The following FIS1 variants were observed in gnomAD, a reference collection of about 807,000 sequenced individuals.
The protein encoded by FIS1 is fission, mitochondrial 1.
Under a neutral mutation model 21.6 loss-of-function variants are expected in FIS1, and 16 were observed. The observed-to-expected ratio is 0.74, with a 90% CI of 0.50 to 1.12. FIS1 has a LOEUF of 1.12. FIS1 is among the 50% of genes most tolerant of loss of function. FIS1 has a pLI of 0.00. For missense variants in FIS1, 198 were observed against 190.9 expected, an observed-to-expected ratio of 1.04 and a Z score of -0.22; for synonymous variants, 92 against 82.2, an observed-to-expected ratio of 1.12 and a Z score of -0.65.
rs1428162755 is a variant in FIS1, at chr7:101,244,032, G to A, written c.153C>T (p.Ile51=). Residue 51 remains isoleucine, a synonymous_variant, in exon 2 of 5, where the codon ATC becomes ATT. Transcript: ENST00000223136. ...CLVRSKYNDD[I]RKGIVLLEEL... is the part of the protein sequence containing the mutation. The stretch of plus-strand genomic sequence containing the variant: ...CCTCGAGCAGCACGATGCCTTTACG[G>A]ATGTCATCATTGTACTTGCTCCGCA... 5.0e-6 allele frequency: 8 copies of A among 1,613,828 alleles called. No homozygotes were observed. The highest frequency in any genetic ancestry group is 2.2e-5 in the East Asian group (1 of 44,872).
rs1330090705 is a variant in FIS1, at chr7:101,240,865, C to T, written c.220G>A (p.Val74Ile). ...TAGTTCCCCACGGCCAGGTAGAAGA[C>T]GTAATCCCGCTGTTCCTCCTTGCTC... is the stretch of plus-strand genomic sequence containing the variant. ...KGSKEEQRDY[V>I]FYLAVGNYRL... The change falls in exon 3 of 5, where the codon GTC (valine) becomes ATC (isoleucine). Residue 74 changes from valine to isoleucine, a missense_variant. Transcript: ENST00000223136. The T allele has an allele frequency of 3.7e-6, 6 of 1,614,026 alleles. No homozygotes were observed. Among genetic ancestry groups the T allele is most frequent in the East Asian group, 2.2e-5 (1 of 44,888 alleles).
In FIS1 at chr7:101,239,526, G is replaced by C; in HGVS notation, c.*280C>G. On this transcript the variant is annotated 3_prime_UTR_variant, in exon 5 of 5. Transcript: ENST00000223136. ...GAACCCCGTGCCAACCTGGAGGGCAGGGGCAGGAGAGGACCAGGAGTGACG... is the reference window on the plus strand; with the variant it reads ...GAACCCCGTGCCAACCTGGAGGGCACGGGCAGGAGAGGACCAGGAGTGACG... 1 of 503,492 alleles carries C rather than the reference G, an allele frequency of 2.0e-6. No individual in the cohort carries two copies. Among genetic ancestry groups the C allele is most frequent in the East Asian group, 3.7e-5 (1 of 26,848 alleles). The allele number at this position is 503,492 out of a possible 1,614,324, so 31.2% of individuals were successfully genotyped here.
Position 101,239,753 on chromosome 7 carries a change from G to T in FIS1, c.*53C>A, listed in dbSNP as rs1330481451. The T allele has an allele frequency of 4.9e-6, 7 of 1,438,730 alleles. No individual in the cohort carries two copies. The highest frequency in any genetic ancestry group is 6.7e-6 in the Non-Finnish European group (7 of 1,042,404). 89.1% of individuals were successfully genotyped at this position (1,438,730 alleles called of 1,614,324 possible). The stretch of plus-strand genomic sequence containing the variant: ...GCAGGGGGAGAACAGGGAAAGGACA[G>T]CGAGGATGGACAGGCCCTCCTGGAG... On this transcript the variant is annotated 3_prime_UTR_variant, in exon 5 of 5. Transcript: ENST00000223136.
At chr7:101,240,001 A>T (rs1798717545) in intron 4 of FIS1, 98 bp from the exon 5 acceptor site, 1 of 1,409,286 alleles carries the variant, frequency 7.1e-7, no homozygotes. Flanking sequence ...GCACACCCCT[A>T]CCTGGAGTCG....
intron 1 of FIS1, 172 bp downstream of exon 1, chr7:101,244,788 G>A (rs1798793804): frequency 1.4e-6 from 1 of 724,046 alleles, no homozygotes. Flanking sequence ...AGGAGCCTCT[G>A]CGGCATAGCA....
rs1322188749 is a variant in FIS1, at chr7:101,245,048, C to A, written c.-44G>T. 1.2e-6 allele frequency: 2 copies of A among 1,608,736 alleles called. No individual in the cohort carries two copies. The highest frequency in any genetic ancestry group is 3.4e-5 in the Admixed American group (2 of 59,646). ...CCTCACACTACAGTCTACTGTGCCACAGTCTCCATGGCCCAGTGGCAGGGG... is the reference window on the plus strand; with the variant it reads ...CCTCACACTACAGTCTACTGTGCCAAAGTCTCCATGGCCCAGTGGCAGGGG... On this transcript the variant is annotated 5_prime_UTR_variant, in exon 1 of 5. Coordinates refer to ENST00000223136, the MANE Select transcript of FIS1 (RefSeq NM_016068.3).
intron 1 of FIS1, chr7:101,244,707 G>A (rs1798791096): frequency 3.6e-6 from 2 of 562,762 alleles, no homozygotes; most frequent in African/African-American, 1.9e-5. Flanking sequence ...CCCAGATCCC[G>A]TCAGTCTAAC....
chr7:101,244,569 C>T, intron 1 of FIS1: 1 of 359,436 alleles, frequency 2.8e-6, no homozygotes, highest in Non-Finnish European at 5.2e-6. Context: ...CCTAGAGCTA[C>T]AAAGACTGAG....
At chr7:101,241,830 AT>A in intron 2 of FIS1, 1 of 151,782 alleles carries the variant, frequency 6.6e-6, no homozygotes, top group East Asian at 1.9e-4. Flanking sequence ...GTGTTGGCAC[AT>A]GCCTGTAATC....
chr7:101,239,537 G>A lies in FIS1; in HGVS notation c.*269C>T, dbSNP rs1447370308. 3.8e-6 allele frequency: 2 copies of A among 530,766 alleles called. No individual in the cohort carries two copies. The highest frequency in any genetic ancestry group is 6.9e-5 in the East Asian group (2 of 28,944). The allele number at this position is 530,766 out of a possible 1,614,324, so 32.9% of individuals were successfully genotyped here. ...CAACCTGGAGGGCAGGGGCAGGAGA[G>A]GACCAGGAGTGACGTCTCCGCCCCC... On this transcript the variant is annotated 3_prime_UTR_variant, in exon 5 of 5. Coordinates refer to ENST00000223136, the MANE Select transcript of FIS1 (RefSeq NM_016068.3).
intron 2 of FIS1, among the ~76,000 whole-genome samples, chr7:101,242,487 G>GTTT (rs67075921): frequency 3.8e-5 from 5 of 131,912 alleles, no homozygotes; most frequent in Non-Finnish European, 6.4e-5. Context: ...TATTTTTATA[G>GTTT]TTTTTTTTTT....
Position 101,240,130 on chromosome 7 carries a change from C to G in FIS1, c.361+12G>C, listed in dbSNP as rs539960455. 5.0e-6 allele frequency: 8 copies of G among 1,613,702 alleles called. No homozygotes were observed. Among genetic ancestry groups the G allele is most frequent in the Middle Eastern group, 1.6e-4 (1 of 6,062 alleles). The stretch of plus-strand genomic sequence containing the variant: ...GAAGAGCGGGGCTGAACAAAGGGGC[C>G]GAGGCTGTCACCTTTCTTCATGGCC... On this transcript the variant is annotated intron_variant, in intron 4 of 4. Coordinates refer to ENST00000223136, the MANE Select transcript of FIS1 (RefSeq NM_016068.3).
chr7:101,239,842 T>TCCGGCCAGTCCCG lies in FIS1; in HGVS notation c.410_422dup (p.Leu142GlyfsTer74). On this transcript the variant is annotated frameshift_variant, in exon 5 of 5. Transcript: ENST00000223136. LOFTEE classifies it high-confidence loss of function. Reference sequence around the variant, plus strand: ...ACTTGGACACAGCAAGTCCGATGAGTCCGGCCAGTCCCGCCACACCCAGGG... The same window carrying TCCGGCCAGTCCCG: ...ACTTGGACACAGCAAGTCCGATGAGTCCGGCCAGTCCCGCCGGCCAGTCCCGCCACACCCAGGG... 1 of 1,595,282 alleles carries TCCGGCCAGTCCCG rather than the reference T, an allele frequency of 6.3e-7. No homozygotes were observed. Among genetic ancestry groups the TCCGGCCAGTCCCG allele is most frequent in the Non-Finnish European group, 8.5e-7 (1 of 1,170,960 alleles).
intron 2 of FIS1, among the ~76,000 whole-genome samples, chr7:101,241,938 G>T (rs1562908114): frequency 6.9e-6 from 1 of 145,168 alleles, no homozygotes; most frequent in East Asian, 2.0e-4. Flanking sequence ...TCAGTCTCGG[G>T]AAAAAAAAAA....
chr7:101,241,202 C>T (rs1462993299), intron 2 of FIS1: 2 of 369,492 alleles, frequency 5.4e-6, no homozygotes, highest in Non-Finnish European at 9.9e-6. Context: ...CCAAAGGCAG[C>T]GTGACTCAGT....
intron 3 of FIS1, 136 bp downstream of exon 3, chr7:101,240,694 G>T: frequency 1.2e-6 from 1 of 803,044 alleles, no homozygotes; most frequent in South Asian, 1.5e-5. Flanking sequence ...TCTTCCCTCG[G>T]AGTCCTCATC....
intron 2 of FIS1, among the ~76,000 whole-genome samples, chr7:101,242,378 T>C (rs1319668841): frequency 6.6e-6 from 1 of 152,186 alleles, no homozygotes; most frequent in Non-Finnish European, 1.5e-5. Context: ...GGCTGTTTCT[T>C]CTACACCTAC....
intron 2 of FIS1, chr7:101,241,475 C>G (rs1326358235): frequency 6.6e-6 from 1 of 151,886 alleles, no homozygotes; most frequent in Non-Finnish European, 1.5e-5. Context: ...CCTGCCCTGG[C>G]CTCCCAAAGT....
chr7:101,239,898 G>A lies in FIS1; in HGVS notation c.367C>T (p.Leu123Phe), dbSNP rs1426851204. ...CCTCCCACGATGGCCATGCCCACGA[G>A]TCCATCTGGGGAAGGAAAGGGACAG... ...LIDKAMKKDG[L>F]VGMAIVGGMA... The change falls in exon 5 of 5, where the codon CTC becomes TTC. Residue 123 changes from leucine to phenylalanine, a missense_variant. By Grantham distance (22) the Leu-to-Phe change is conservative. Coordinates refer to ENST00000223136, the MANE Select transcript of FIS1 (RefSeq NM_016068.3). 1 of 1,603,804 alleles carries A rather than the reference G, an allele frequency of 6.2e-7. No individual in the cohort carries two copies. Among genetic ancestry groups the A allele is most frequent in the Non-Finnish European group, 8.5e-7 (1 of 1,175,108 alleles).
Sources: gnomAD v4.1 joint callset for allele counts (sites outside exome capture counted in the v4.1 genomes callset) on GRCh38, gnomAD v4.1.1 for gene constraint, MANE v1.5 for transcripts, NCBI Gene and HGNC (gene_info 2026-07-23, HGNC 2026-07-21) for gene names.